Variants in GRM8 observed in about 807,000 individuals in gnomAD.
GRM8 encodes glutamate metabotropic receptor 8.
GRM8 carries 47 observed loss-of-function variants against 87.2 expected under a neutral mutation model. The ratio of observed to expected loss-of-function variants is 0.54; its 90% CI spans 0.43 to 0.69. The LOEUF (loss-of-function observed/expected upper bound fraction) is 0.69, where lower values mean the gene tolerates loss of function less well. GRM8 is among the 30% of genes least tolerant of loss of function. The pLI is 0.00. For synonymous variants in GRM8, 396 were observed against 404.5 expected (o/e 0.98, Z 0.25); for missense variants, 1,019 against 1,139.2 (o/e 0.89, Z 1.52).
chr7:126,697,087 C>T (rs1439604572), intron 7 of GRM8, among the ~76,000 whole-genome samples: 1 of 148,566 alleles, frequency 6.7e-6, no homozygotes, highest in Non-Finnish European at 1.5e-5. Context: ...AATGGACAAA[C>T]CTGGAAGACA....
intron 6 of GRM8, among the ~76,000 whole-genome samples, chr7:126,836,603 C>T (rs1363694442): frequency 6.6e-6 from 1 of 152,134 alleles, no homozygotes. Flanking sequence ...CACTCTCTGG[C>T]TCCTCCCCTG....
chr7:126,923,715 C>T (rs75801829), intron 3 of GRM8, among the ~76,000 whole-genome samples: 5 of 151,966 alleles, frequency 3.3e-5, no homozygotes, highest in East Asian at 1.9e-4. Context: ...ATGAAGTATG[C>T]GAGTTTATAA....
At chr7:126,584,743 C>T (rs1032123360) in intron 8 of GRM8, among the ~76,000 whole-genome samples, 6 of 152,044 alleles carry the variant, frequency 3.9e-5, no homozygotes, top group Non-Finnish European at 8.8e-5. Context: ...GTCGTTTCCG[C>T]TTAGGCCTGT....
chr7:126,479,459 A>G lies in GRM8; in HGVS notation c.2431-33087T>C, dbSNP rs1313062127. 3.3e-5 allele frequency among the ~76,000 whole-genome samples: 5 copies of G among 152,198 alleles called. No individual in the cohort carries two copies. In the South Asian group the frequency reaches 6.2e-4, roughly 19 times the overall value. On this transcript the variant is annotated intron_variant, in intron 9 of 10. Coordinates refer to ENST00000339582, the MANE Select transcript of GRM8 (RefSeq NM_000845.3). Reference sequence around the variant, plus strand: ...CTGCCTAAATCTGGACATTTTATAAAAATAGCCTCATACTATATGCAATCT... The same window carrying G: ...CTGCCTAAATCTGGACATTTTATAAGAATAGCCTCATACTATATGCAATCT...
intron 7 of GRM8, among the ~76,000 whole-genome samples, chr7:126,646,284 AAGG>A (rs1803066678): frequency 3.3e-5 from 5 of 150,886 alleles, no homozygotes; most frequent in Admixed American, 2.6e-4. Flanking sequence ...GGAAGGAAGG[AAGG>A]AAGGAAGGAA....
intron 9 of GRM8, among the ~76,000 whole-genome samples, chr7:126,481,646 T>G (rs545212121): frequency 6.6e-6 from 1 of 152,012 alleles, no homozygotes; most frequent in South Asian, 2.1e-4. Flanking sequence ...TTTATTAAAT[T>G]TGAAGAAAGC....
intron 3 of GRM8, among the ~76,000 whole-genome samples, chr7:126,999,399 T>C (rs181976234): frequency 2.6e-5 from 4 of 151,754 alleles, no homozygotes; most frequent in Non-Finnish European, 4.4e-5. Flanking sequence ...TGGGATCACA[T>C]CAGTTAAAAA....
At chr7:126,722,817 G>A (rs1348614561) in intron 7 of GRM8, among the ~76,000 whole-genome samples, 1 of 148,570 alleles carries the variant, frequency 6.7e-6, no homozygotes, top group Non-Finnish European at 1.5e-5. Context: ...TCTTTAAGGA[G>A]AGGGGCTATC....
chr7:126,465,684 A>G (rs1158780555), intron 9 of GRM8, among the ~76,000 whole-genome samples: 1 of 151,810 alleles, frequency 6.6e-6, no homozygotes, highest in Admixed American at 6.6e-5. Context: ...TCTTAAACTT[A>G]TTGATTCTAA....
chr7:127,179,188 C>T (rs1370102258), intron 2 of GRM8, among the ~76,000 whole-genome samples: 10 of 152,060 alleles, frequency 6.6e-5, no homozygotes, highest in Non-Finnish European at 1.2e-4. Context: ...ACACCAAAAG[C>T]GAGCAGGATA....
intron 3 of GRM8, among the ~76,000 whole-genome samples, chr7:127,099,465 G>A (rs545487679): frequency 2.6e-5 from 4 of 152,334 alleles, no homozygotes; most frequent in South Asian, 4.1e-4. Flanking sequence ...TGTTGGCAGT[G>A]TCTATTGTGA....
rs566483819 is a variant in GRM8 at position 126,940,063 on chromosome 7, CT to C, written c.728-35381del. 9.2e-5 allele frequency among the ~76,000 whole-genome samples: 14 copies of C among 152,298 alleles called. No individual in the cohort carries two copies. The South Asian group carries it at 1.4e-3, about 16-fold the overall frequency. On this transcript the variant is annotated intron_variant, in intron 3 of 10. Transcript: ENST00000339582. ...TCCAGGGTGGACCAGGGGCCTTTAT[CT>C]TTCACCTGTAACATGAAGATGAATC... is the stretch of plus-strand genomic sequence containing the variant.
intron 2 of GRM8, among the ~76,000 whole-genome samples, chr7:127,195,952 A>G (rs1795257908): frequency 6.6e-6 from 1 of 152,202 alleles, no homozygotes. Flanking sequence ...TAAATATTGA[A>G]TAAATAAATG....
At chr7:126,915,720 A>G (rs532651900) in intron 3 of GRM8, among the ~76,000 whole-genome samples, 3 of 152,360 alleles carry the variant, frequency 2.0e-5, no homozygotes, top group African/African-American at 7.2e-5. Flanking sequence ...AAAGGGGAGA[A>G]GAGAAATGGT....
At chr7:127,199,709 G>T (rs1272136801) in intron 2 of GRM8, among the ~76,000 whole-genome samples, 2 of 152,134 alleles carry the variant, frequency 1.3e-5, no homozygotes, top group African/African-American at 4.8e-5. Flanking sequence ...GATGCAAATT[G>T]TGCCTCCTTT....
At chr7:127,028,851 T>C (rs1190140964) in intron 3 of GRM8, among the ~76,000 whole-genome samples, 4 of 152,200 alleles carry the variant, frequency 2.6e-5, no homozygotes, top group African/African-American at 9.7e-5. Context: ...TCTGCTCTGA[T>C]CTTAGTTATT....
chr7:127,003,558 A>G (rs1330680038), intron 3 of GRM8, among the ~76,000 whole-genome samples: 1 of 151,716 alleles, frequency 6.6e-6, no homozygotes, highest in Non-Finnish European at 1.5e-5. Flanking sequence ...GTGTACTAGA[A>G]GAGTACTGCA....
At chr7:127,016,648 C>A (rs1039794320) in intron 3 of GRM8, among the ~76,000 whole-genome samples, 5 of 152,006 alleles carry the variant, frequency 3.3e-5, no homozygotes, top group South Asian at 2.1e-4. Context: ...TCAATCCAAA[C>A]AGAAAAAAAT....
At chr7:126,960,109 AAAT>A (rs1809155073) in intron 3 of GRM8, among the ~76,000 whole-genome samples, 1 of 152,200 alleles carries the variant, frequency 6.6e-6, no homozygotes, top group African/African-American at 2.4e-5. Flanking sequence ...AAACCCAGGT[AAAT>A]CAATGAAAAA....
Sources: allele counts gnomAD v4.1 joint callset (sites outside exome capture counted in the v4.1 genomes callset), GRCh38; gene constraint gnomAD v4.1.1; transcripts MANE v1.5; gene names NCBI Gene and HGNC (gene_info 2026-07-23, HGNC 2026-07-21).